Variants in SSBP2 observed in about 807,000 individuals in gnomAD.
The protein encoded by SSBP2 is single-stranded DNA-binding protein 2.
In SSBP2, 17 loss-of-function variants were observed where a neutral mutation model predicts 61.8. That is an observed-to-expected ratio of 0.28 (90% CI 0.19 to 0.41). SSBP2 has a LOEUF of 0.41. SSBP2 is among the 10% of genes least tolerant of loss of function. SSBP2 has a pLI of 1.00. For missense variants in SSBP2, 310 were observed against 458.7 expected (o/e 0.68, Z 2.96); for synonymous variants, 139 against 141.3 (o/e 0.98, Z 0.12).
chr5:81,488,049 A>ATTATATATATACAT (rs1766550125), intron 6 of SSBP2, among the ~76,000 whole-genome samples: 2 of 50,528 alleles, frequency 4.0e-5, no homozygotes, highest in South Asian at 1.0e-3. Flanking sequence ...ATATATATAT[A>ATTATATATATACAT]TATATATATA....
At chr5:81,519,300 C>G (rs1416391359) in intron 4 of SSBP2, among the ~76,000 whole-genome samples, 1 of 152,072 alleles carries the variant, frequency 6.6e-6, no homozygotes, top group Non-Finnish European at 1.5e-5. Flanking sequence ...CAATTTGGTT[C>G]ATTTACATTT....
chr5:81,432,373 A>G (rs1309360652), intron 15 of SSBP2, among the ~76,000 whole-genome samples: 1 of 152,224 alleles, frequency 6.6e-6, no homozygotes, highest in Non-Finnish European at 1.5e-5. Context: ...TCTCACATAC[A>G]TGTGTTTTTC....
chr5:81,583,650 T>G (rs967801607), intron 4 of SSBP2, among the ~76,000 whole-genome samples: 14 of 138,130 alleles, frequency 1.0e-4, no homozygotes, highest in Admixed American at 2.9e-4. Context: ...AAAAAAAAAG[T>G]AGCCATTGAG....
At chr5:81,708,343 TTTAGA>T (rs1277314361) in intron 1 of SSBP2, among the ~76,000 whole-genome samples, 1 of 152,192 alleles carries the variant, frequency 6.6e-6, no homozygotes, top group African/African-American at 2.4e-5. Flanking sequence ...TAGAGTTGAC[TTTAGA>T]TTAAATCCTG....
intron 4 of SSBP2, among the ~76,000 whole-genome samples, chr5:81,514,475 A>G (rs1768855743): frequency 6.6e-6 from 1 of 152,130 alleles, no homozygotes; most frequent in Admixed American, 6.6e-5. Flanking sequence ...TATAGATTTA[A>G]TACTTACATA....
At chr5:81,692,991 G>A (rs1352321175) in intron 1 of SSBP2, among the ~76,000 whole-genome samples, 3 of 152,006 alleles carry the variant, frequency 2.0e-5, no homozygotes, top group African/African-American at 7.2e-5. Flanking sequence ...GGATCACGAG[G>A]TCAGGAGATG....
intron 5 of SSBP2, among the ~76,000 whole-genome samples, chr5:81,501,499 C>A (rs1767762131): frequency 6.7e-6 from 1 of 149,192 alleles, no homozygotes; most frequent in Non-Finnish European, 1.5e-5. Flanking sequence ...AAGCATCTTA[C>A]TGTGCACAAA....
At chr5:81,585,577 C>G (rs1396014417) in intron 4 of SSBP2, among the ~76,000 whole-genome samples, 3 of 151,664 alleles carry the variant, frequency 2.0e-5, no homozygotes, top group African/African-American at 7.3e-5. Flanking sequence ...ATATGGTTTA[C>G]AGCATATTTT....
At chr5:81,637,767 G>A (rs1416769827) in intron 2 of SSBP2, among the ~76,000 whole-genome samples, 1 of 152,100 alleles carries the variant, frequency 6.6e-6, no homozygotes, top group African/African-American at 2.4e-5. Context: ...ATACCCAAAG[G>A]ACTATAAATC....
chr5:81,547,562 G>C (rs1346859621), intron 4 of SSBP2, among the ~76,000 whole-genome samples: 1 of 152,110 alleles, frequency 6.6e-6, no homozygotes, highest in Non-Finnish European at 1.5e-5. Flanking sequence ...CAACTCCTGG[G>C]CTTGAGCAAT....
intron 4 of SSBP2, among the ~76,000 whole-genome samples, chr5:81,612,792 C>G (rs899594081): frequency 6.6e-6 from 1 of 151,906 alleles, no homozygotes; most frequent in Non-Finnish European, 1.5e-5. Flanking sequence ...AGTAGGTAAA[C>G]ATATTAATTA....
intron 4 of SSBP2, among the ~76,000 whole-genome samples, chr5:81,581,174 GAGA>G (rs920935627): frequency 5.3e-5 from 8 of 152,172 alleles, no homozygotes; most frequent in African/African-American, 1.2e-4. Context: ...CAGGAACATA[GAGA>G]AGAAGAACAG....
At chr5:81,463,789 GAC>G (rs1337344432) in intron 9 of SSBP2, among the ~76,000 whole-genome samples, 4 of 141,388 alleles carry the variant, frequency 2.8e-5, no homozygotes, top group African/African-American at 1.1e-4. Flanking sequence ...TTTGGTTTGG[GAC>G]ACAGTCTTGC....
intron 5 of SSBP2, among the ~76,000 whole-genome samples, chr5:81,507,168 G>A (rs1768242150): frequency 6.6e-6 from 1 of 152,056 alleles, no homozygotes; most frequent in Non-Finnish European, 1.5e-5. Flanking sequence ...AGATGGCAAG[G>A]CAGCTTTACC....
chr5:81,681,800 T>C (rs1561686527), intron 1 of SSBP2, among the ~76,000 whole-genome samples: 4 of 152,040 alleles, frequency 2.6e-5, no homozygotes, highest in South Asian at 2.1e-4. Context: ...TTTGAAAAGA[T>C]AAATAAAATT....
chr5:81,473,195 A>G (rs1405850134), intron 8 of SSBP2, among the ~76,000 whole-genome samples: 1 of 152,222 alleles, frequency 6.6e-6, no homozygotes, highest in Non-Finnish European at 1.5e-5. Context: ...CAAAAAGCTC[A>G]GCATCTAGGT....
intron 4 of SSBP2, among the ~76,000 whole-genome samples, chr5:81,518,834 C>T (rs1386016044): frequency 6.6e-6 from 1 of 151,998 alleles, no homozygotes; most frequent in African/African-American, 2.4e-5. Flanking sequence ...AGAAAATATG[C>T]TTTTTGCCTT....
chr5:81,665,958 A>AT (rs1450609627), intron 1 of SSBP2, among the ~76,000 whole-genome samples: 1 of 152,250 alleles, frequency 6.6e-6, no homozygotes, highest in Admixed American at 6.5e-5. Context: ...AGTAAGGAGC[A>AT]TTTGGCAGCT....
chr5:81,574,654 G>A (rs565906917), intron 4 of SSBP2, among the ~76,000 whole-genome samples: 104 of 151,086 alleles, frequency 6.9e-4, no homozygotes, highest in South Asian at 1.5e-3. Flanking sequence ...AAAACGCGGC[G>A]AAAACCAAAG....
Sources: gnomAD v4.1 joint callset for allele counts (sites outside exome capture counted in the v4.1 genomes callset) on GRCh38, gnomAD v4.1.1 for gene constraint, MANE v1.5 for transcripts, NCBI Gene and HGNC (gene_info 2026-07-23, HGNC 2026-07-21) for gene names.